The following TNPO3 variants were observed in gnomAD, a reference collection of about 807,000 sequenced individuals.
TNPO3 encodes the protein transportin-3.
Under a neutral mutation model 122.8 loss-of-function variants are expected in TNPO3, and 65 were observed. That is an observed-to-expected ratio of 0.53 (90% CI 0.43 to 0.65). The LOEUF (loss-of-function observed/expected upper bound fraction) is 0.65, where lower values mean the gene tolerates loss of function less well. Among genes scored for constraint, TNPO3 ranks in the 30% least tolerant of loss-of-function variants. The pLI, the probability that TNPO3 is intolerant of heterozygous loss-of-function variation, is 0.00. For synonymous variants in TNPO3, 372 were observed against 411.2 expected (o/e 0.90, Z 1.15); for missense variants, 850 against 1,136.7 (o/e 0.75, Z 3.63).
intron 22 of TNPO3, among the ~76,000 whole-genome samples, chr7:128,956,884 G>A (rs529617354): frequency 1.3e-4 from 20 of 152,286 alleles, no homozygotes; most frequent in Admixed American, 3.3e-4. Flanking sequence ...AAAGTGGCCA[G>A]GTTAAAAATA....
At chr7:128,962,761 G>C (rs1024685679) in intron 21 of TNPO3, among the ~76,000 whole-genome samples, 9 of 152,084 alleles carry the variant, frequency 5.9e-5, no homozygotes, top group African/African-American at 2.2e-4. Context: ...GATCAAGTAG[G>C]TCAGGTTGGT....
chr7:129,000,921 G>T, intron 6 of TNPO3, 138 bp downstream of exon 6: 1 of 1,027,950 alleles, frequency 9.7e-7, no homozygotes, highest in Non-Finnish European at 1.4e-6. Flanking sequence ...GAGCATAGTA[G>T]AGCATCTTTA....
intron 21 of TNPO3, among the ~76,000 whole-genome samples, chr7:128,958,421 G>A (rs1291728957): frequency 6.6e-6 from 1 of 152,126 alleles, no homozygotes; most frequent in Non-Finnish European, 1.5e-5. Flanking sequence ...GGGATTACAG[G>A]CATGAGCCAC....
chr7:129,047,737 A>T (rs910459619), intron 1 of TNPO3, among the ~76,000 whole-genome samples: 1 of 152,236 alleles, frequency 6.6e-6, no homozygotes, highest in Non-Finnish European at 1.5e-5. Context: ...TCACAAATAC[A>T]TATTCTTGAA....
intron 1 of TNPO3, among the ~76,000 whole-genome samples, chr7:129,023,950 A>G (rs1804817359): frequency 1.3e-5 from 2 of 152,216 alleles, no homozygotes; most frequent in Non-Finnish European, 2.9e-5. Context: ...ACTGAACAAT[A>G]ACAGCTAGTT....
intron 21 of TNPO3, among the ~76,000 whole-genome samples, chr7:128,964,499 C>A (rs538274742): frequency 6.6e-6 from 1 of 152,100 alleles, no homozygotes; most frequent in Non-Finnish European, 1.5e-5. Flanking sequence ...CCACGCCCGG[C>A]TAATTTTTTG....
chr7:129,014,346 G>A (rs1658771860), intron 4 of TNPO3, among the ~76,000 whole-genome samples: 1 of 152,018 alleles, frequency 6.6e-6, no homozygotes, highest in Admixed American at 6.6e-5. Flanking sequence ...AACATGGAGA[G>A]ACACCATCTC....
At chr7:128,969,532 C>A (rs562760816) in intron 20 of TNPO3, among the ~76,000 whole-genome samples, 1 of 152,182 alleles carries the variant, frequency 6.6e-6, no homozygotes, top group East Asian at 1.9e-4. Context: ...TTATACTTTA[C>A]CATTCTACTC....
chr7:129,023,558 A>C (rs1804778874), intron 1 of TNPO3, among the ~76,000 whole-genome samples: 1 of 152,112 alleles, frequency 6.6e-6, no homozygotes, highest in Non-Finnish European at 1.5e-5. Flanking sequence ...TCATACTAGA[A>C]AGGACAGAAG....
intron 1 of TNPO3, among the ~76,000 whole-genome samples, chr7:129,038,191 T>A (rs1227873717): frequency 6.6e-6 from 1 of 151,874 alleles, no homozygotes; most frequent in African/African-American, 2.4e-5. Context: ...ACAATGAGGA[T>A]GCCAGAAGAC....
rs192327797 is a variant in TNPO3 at position 129,013,101 on chromosome 7, A to G, written c.552+1878T>C. Among the ~76,000 whole-genome samples the G allele has an allele frequency of 5.6e-4, 85 of 152,364 alleles. No homozygotes were observed. The East Asian group carries it at 0.014, about 24-fold the overall frequency. ...ACCTTTCAGTTCATCTTTAAGAGAC[A>G]ATCCTTTCTTTTATCTCTCATAATA... On this transcript the variant is annotated intron_variant, in intron 4 of 22. Transcript: ENST00000265388.
At chr7:128,990,307 G>GCAC in intron 10 of TNPO3, 1 of 652,098 alleles carries the variant, frequency 1.5e-6, no homozygotes, top group Non-Finnish European at 2.7e-6. Context: ...TTCAGGAAAA[G>GCAC]CATACTGCTC....
At chr7:129,013,406 C>T (rs1000616311) in intron 4 of TNPO3, among the ~76,000 whole-genome samples, 5 of 139,594 alleles carry the variant, frequency 3.6e-5, no homozygotes, top group Admixed American at 1.5e-4. Flanking sequence ...GATTAGTAAC[C>T]ACAATATATA....
rs1470497624 is a variant in TNPO3 at position 128,991,884 on chromosome 7, A to C, written c.1358+115T>G. ...GTCAGAAGACTAGACGGCACAACAGAAGTAAGAAGTTCTGAAAGTCTCCAG... is the reference window on the plus strand; with the variant it reads ...GTCAGAAGACTAGACGGCACAACAGCAGTAAGAAGTTCTGAAAGTCTCCAG... On this transcript the variant is annotated intron_variant, in intron 10 of 22. Transcript: ENST00000265388. 3.5e-5 allele frequency: 20 copies of C among 569,788 alleles called. No individual in the cohort carries two copies. The East Asian group carries it at 5.8e-4, about 17-fold the overall frequency. 35.3% of individuals were successfully genotyped at this position (569,788 alleles called of 1,614,324 possible).
intron 1 of TNPO3, among the ~76,000 whole-genome samples, chr7:129,028,001 T>C (rs1479296154): frequency 2.0e-5 from 3 of 152,068 alleles, no homozygotes; most frequent in Non-Finnish European, 4.4e-5. Flanking sequence ...CTGATCACAA[T>C]TAAATAAAAC....
intron 1 of TNPO3, chr7:129,029,673 G>C (rs1805673999): frequency 1.3e-5 from 2 of 152,118 alleles, no homozygotes; most frequent in African/African-American, 2.4e-5. Flanking sequence ...AGTCACAGCT[G>C]AGCCAGGCAG....
chr7:129,055,941 G>C (rs1809417770), upstream of TNPO3: 2 of 668,936 alleles, frequency 3.0e-6, no homozygotes, highest in Non-Finnish European at 5.5e-6. Flanking sequence ...CATTTAATCC[G>C]CCTAACAACC....
At chr7:129,023,034 A>C (rs867920791) in intron 1 of TNPO3, among the ~76,000 whole-genome samples, 1 of 152,220 alleles carries the variant, frequency 6.6e-6, no homozygotes, top group East Asian at 1.9e-4. Context: ...GGGAGAGCAC[A>C]TGCAAAACTA....
At chr7:129,026,550 G>A (rs1219519102) in intron 1 of TNPO3, among the ~76,000 whole-genome samples, 3 of 151,850 alleles carry the variant, frequency 2.0e-5, no homozygotes, top group African/African-American at 4.8e-5. Context: ...TTACAGGCAT[G>A]TGCCACCACA....
Sources: allele counts gnomAD v4.1 joint callset (sites outside exome capture counted in the v4.1 genomes callset), GRCh38; gene constraint gnomAD v4.1.1; transcripts MANE v1.5; gene names NCBI Gene and HGNC (gene_info 2026-07-23, HGNC 2026-07-21).